Variants in CABIN1 observed in about 807,000 individuals in gnomAD.
The protein encoded by CABIN1 is calcineurin-binding protein cabin-1.
CABIN1 carries 133 observed loss-of-function variants against 227.7 expected under a neutral mutation model. The observed-to-expected ratio is 0.58, with a 90% confidence interval of 0.51 to 0.67. CABIN1 has a LOEUF of 0.67. CABIN1 is among the 30% of genes least tolerant of loss of function. The pLI, the probability that CABIN1 is intolerant of heterozygous loss-of-function variation, is 0.00. For missense variants in CABIN1, 2,408 were observed against 2,852.5 expected, an observed-to-expected ratio of 0.84 and a Z score of 3.55; for synonymous variants, 1,086 against 1,155.1, an observed-to-expected ratio of 0.94 and a Z score of 1.21.
intron 1 of CABIN1, among the ~76,000 whole-genome samples, chr22:24,030,917 A>C (rs987284623): frequency 6.6e-6 from 1 of 152,156 alleles, no homozygotes; most frequent in Non-Finnish European, 1.5e-5. Flanking sequence ...AAAGAAGCAT[A>C]TGCCCCAGAG....
intron 18 of CABIN1, among the ~76,000 whole-genome samples, chr22:24,073,712 G>A (rs2040249484): frequency 1.3e-5 from 2 of 152,164 alleles, no homozygotes; most frequent in South Asian, 2.1e-4. Flanking sequence ...TGAAGGAAGA[G>A]CAGGGGCAGA....
chr22:24,178,351 C>G lies in CABIN1; in HGVS notation c.*155C>G. 1.1e-6 allele frequency: 1 copy of G among 918,168 alleles called. No homozygotes were observed. The highest frequency in any genetic ancestry group is 1.6e-5 in the South Asian group (1 of 62,036). 56.9% of individuals were successfully genotyped at this position (918,168 alleles called of 1,614,324 possible). A position where few individuals can be genotyped will look rare whatever the true frequency, so the allele number is the denominator to read the frequency against. ...AGCCCACCTCCTCATGGCATCCTCC[C>G]TGTACCCAGGTCAGGCTGTCCACAC... On this transcript the variant is annotated 3_prime_UTR_variant, in exon 37 of 37. Transcript: ENST00000263119.
intron 34 of CABIN1, among the ~76,000 whole-genome samples, chr22:24,172,312 A>G (rs368878944): frequency 6.6e-5 from 10 of 152,230 alleles, no homozygotes; most frequent in East Asian, 3.9e-4. Context: ...ACAAAGCCTT[A>G]TAGTAAGTAG....
At chr22:24,155,847 G>A (rs2045754529) in intron 29 of CABIN1, 1 of 428,026 alleles carries the variant, frequency 2.3e-6, no homozygotes, top group Non-Finnish European at 4.2e-6. Context: ...CACTTTGCCC[G>A]GCAGCGGTCC....
intron 27 of CABIN1, among the ~76,000 whole-genome samples, chr22:24,115,999 T>C (rs757229343): frequency 2.0e-5 from 3 of 152,186 alleles, no homozygotes; most frequent in Non-Finnish European, 4.4e-5. Context: ...TGGCATGAGA[T>C]GCGCTCCCTC....
intron 28 of CABIN1, among the ~76,000 whole-genome samples, chr22:24,125,081 C>T (rs753746607): frequency 6.6e-6 from 1 of 152,200 alleles, no homozygotes; most frequent in South Asian, 2.1e-4. Flanking sequence ...TCACAAAAGA[C>T]AAATACTGGA....
intron 16 of CABIN1, among the ~76,000 whole-genome samples, chr22:24,068,445 C>T (rs892542426): frequency 2.6e-5 from 4 of 152,236 alleles, no homozygotes; most frequent in African/African-American, 9.7e-5. Context: ...TGTGGTCTTG[C>T]TCTTATTGTC....
At position 24,168,447 on chromosome 22, in the gene CABIN1, G is replaced by A. The variant is rs1283061376; in HGVS notation, c.5683G>A (p.Val1895Met). 1.3e-6 allele frequency: 2 copies of A among 1,570,020 alleles called. No individual in the cohort carries two copies. The highest frequency in any genetic ancestry group is 1.7e-6 in the Non-Finnish European group (2 of 1,157,562). Reference sequence around the variant, plus strand: ...TGACTTCCAGCATCTCCCTGTTAAGGTGGATGAGGAGGCTGCGCTGGAGCA... The same window carrying A: ...TGACTTCCAGCATCTCCCTGTTAAGATGGATGAGGAGGCTGCGCTGGAGCA... Reference protein sequence around the residue: ...MSETYMLIKQVDEEAALEQAV... With the variant: ...MSETYMLIKQMDEEAALEQAV... Residue 1895 changes from valine to methionine, a missense_variant and splice_region_variant, in exon 33 of 37, where the codon GTG (valine) becomes ATG (methionine). Val to Met is a conservative substitution (Grantham distance 21). Around this residue, in one of 3 missense-constraint regions of CABIN1, gnomAD observed 714 missense variants for 773.8 expected, o/e 0.92. Transcript: ENST00000263119.
At chr22:24,049,985 A>C (rs995472772) in intron 7 of CABIN1, among the ~76,000 whole-genome samples, 1 of 151,974 alleles carries the variant, frequency 6.6e-6, no homozygotes, top group Non-Finnish European at 1.5e-5. Context: ...GCTCACTTAC[A>C]AACTTATCTG....
intron 29 of CABIN1, among the ~76,000 whole-genome samples, chr22:24,154,747 C>T (rs1452530976): frequency 1.3e-5 from 2 of 152,168 alleles, no homozygotes; most frequent in African/African-American, 4.8e-5. Flanking sequence ...TGTGACATTA[C>T]CCAGGCTGAA....
chr22:24,171,433 G>T (rs547699256), intron 33 of CABIN1, among the ~76,000 whole-genome samples: 8 of 152,310 alleles, frequency 5.3e-5, no homozygotes, highest in East Asian at 1.9e-4. Context: ...CCAGCTGGAG[G>T]TCCTTCCACT....
At chr22:24,129,019 G>C (rs981092726) in intron 28 of CABIN1, among the ~76,000 whole-genome samples, 1 of 152,184 alleles carries the variant, frequency 6.6e-6, no homozygotes, top group African/African-American at 2.4e-5. Flanking sequence ...AGAGACCCTG[G>C]GTGACACAGG....
chr22:24,099,447 G>A (rs930149695), intron 26 of CABIN1, among the ~76,000 whole-genome samples: 4 of 152,126 alleles, frequency 2.6e-5, no homozygotes, highest in African/African-American at 9.7e-5. Flanking sequence ...TTACCTCCTG[G>A]AAGGTTCATG....
chr22:24,166,643 C>T lies in CABIN1; in HGVS notation c.5012C>T (p.Ser1671Leu). Residue 1671 changes from serine to leucine, a missense_variant, in exon 32 of 37, where the codon TCA (serine) becomes TTA (leucine). Ser to Leu is a moderately radical substitution (Grantham distance 145). Around this residue, in one of 3 missense-constraint regions of CABIN1, gnomAD observed 714 missense variants for 773.8 expected, o/e 0.92. Transcript: ENST00000263119. ...TTACCTTTGGTTTCTTTGTAGGGGT[C>T]AGAACGCCCAGGGCCCAAGGTCTGT... ...EDTLSELAEG[S>L]ERPGPKVCGL... 1 of 1,612,784 alleles carries T rather than the reference C, an allele frequency of 6.2e-7. No homozygotes were observed. The highest frequency in any genetic ancestry group is 8.5e-7 in the Non-Finnish European group (1 of 1,179,948).
intron 29 of CABIN1, among the ~76,000 whole-genome samples, chr22:24,149,004 A>AC (rs1271619875): frequency 6.6e-6 from 1 of 151,986 alleles, no homozygotes; most frequent in African/African-American, 2.4e-5. Flanking sequence ...CCCACACACA[A>AC]CTTTTTTCCT....
At chr22:24,139,463 G>A (rs1430530357) in intron 29 of CABIN1, among the ~76,000 whole-genome samples, 1 of 152,166 alleles carries the variant, frequency 6.6e-6, no homozygotes, top group Non-Finnish European at 1.5e-5. Flanking sequence ...CTAGTCAGGA[G>A]GCTGAGGCAG....
chr22:24,165,780 G>C (rs1283465351), intron 31 of CABIN1, among the ~76,000 whole-genome samples, 154 bp downstream of exon 31: 1 of 152,186 alleles, frequency 6.6e-6, no homozygotes, highest in African/African-American at 2.4e-5. Context: ...TGTCTTCCTA[G>C]GCAGGGAAGG....
At chr22:24,176,916 G>A (rs1170271155) in intron 35 of CABIN1, among the ~76,000 whole-genome samples, 1 of 152,252 alleles carries the variant, frequency 6.6e-6, no homozygotes, top group Non-Finnish European at 1.5e-5. Context: ...TAAAGCCATG[G>A]GGCTGCAGAG....
chr22:24,174,056 G>C (rs940375153), intron 34 of CABIN1, among the ~76,000 whole-genome samples: 4 of 151,022 alleles, frequency 2.6e-5, no homozygotes, highest in African/African-American at 9.8e-5. Flanking sequence ...TGTTGGCCAA[G>C]CTGGTCTTGA....
Sources: allele counts gnomAD v4.1 joint callset (sites outside exome capture counted in the v4.1 genomes callset), GRCh38; gene constraint gnomAD v4.1.1; regional missense constraint gnomAD v4.1.1; transcripts MANE v1.5; gene names NCBI Gene and HGNC (gene_info 2026-07-23, HGNC 2026-07-21).